The following CCDC85C variants were observed in gnomAD, a reference collection of about 807,000 sequenced individuals.
The protein encoded by CCDC85C is coiled-coil domain containing 85C, also known as coiled-coil domain-containing protein 85C.
In CCDC85C, 18 loss-of-function variants were observed where a neutral mutation model predicts 38.3. That is an observed-to-expected ratio of 0.47 (90% confidence interval 0.33 to 0.70). CCDC85C has a LOEUF of 0.70. Among genes scored for constraint, CCDC85C ranks in the 30% least tolerant of loss-of-function variants. The pLI, the probability that CCDC85C is intolerant of heterozygous loss-of-function variation, is 0.03. For synonymous variants in CCDC85C, 264 were observed against 293.8 expected (o/e 0.90, Z 1.04); for missense variants, 566 against 621.2 (o/e 0.91, Z 0.94).
intron 1 of CCDC85C, among the ~76,000 whole-genome samples, chr14:99,570,517 G>T (rs1898315510): frequency 6.6e-6 from 1 of 152,172 alleles, no homozygotes. Flanking sequence ...CAGACGGCAG[G>T]GGCTCGGGGC....
rs897526611 is a variant in CCDC85C, at chr14:99,604,207, T to C, written c.-248A>G. 1.7e-4 allele frequency among the ~76,000 whole-genome samples: 26 copies of C among 148,598 alleles called. No individual in the cohort carries two copies. The highest frequency in any genetic ancestry group is 4.9e-4 in the African/African-American group (20 of 41,140). On this transcript the variant is annotated 5_prime_UTR_variant, in exon 1 of 6. Coordinates refer to ENST00000380243, the MANE Select transcript of CCDC85C (RefSeq NM_001144995.2). Reference sequence around the variant, plus strand: ...GCGGTGCCGGGCGCTCTCAGGGTTCTGGAGAAGCAGGCGGAGGCCCGCCCC... The same window carrying C: ...GCGGTGCCGGGCGCTCTCAGGGTTCCGGAGAAGCAGGCGGAGGCCCGCCCC...
intron 1 of CCDC85C, among the ~76,000 whole-genome samples, chr14:99,574,578 G>A (rs964526410): frequency 2.6e-5 from 4 of 152,212 alleles, no homozygotes; most frequent in Admixed American, 6.5e-5. Flanking sequence ...CGGCCTGTGA[G>A]GAGGGGAGGC....
Position 99,508,756 on chromosome 14 carries a change from G to C in CCDC85C, c.*6490C>G, listed in dbSNP as rs549927675. The C allele has an allele frequency of 2.6e-5, 4 of 152,578 alleles. No individual in the cohort carries two copies. Among genetic ancestry groups the C allele is most frequent in the African/African-American group, 9.6e-5 (4 of 41,582 alleles). 9.5% of individuals were successfully genotyped at this position (152,578 alleles called of 1,614,324 possible). On this transcript the variant is annotated 3_prime_UTR_variant, in exon 6 of 6. Coordinates refer to ENST00000380243, the MANE Select transcript of CCDC85C (RefSeq NM_001144995.2). ...TTCCAGCTCAGTCACACAGCACAAG[G>C]GCAGGCACACTGGTGACTTGAAGAT...
intron 1 of CCDC85C, among the ~76,000 whole-genome samples, chr14:99,568,244 C>T (rs1229588115): frequency 1.3e-5 from 1 of 78,540 alleles, no homozygotes; most frequent in African/African-American, 6.3e-5. Context: ...AGGCCACCTG[C>T]CCTTTATTTT....
chr14:99,603,182 G>C lies in CCDC85C; in HGVS notation c.778C>G (p.Pro260Ala). 1 of 1,407,826 alleles carries C rather than the reference G, an allele frequency of 7.1e-7. No homozygotes were observed. The highest frequency in any genetic ancestry group is 2.9e-5 in the Admixed American group (1 of 34,434). The allele number at this position is 1,407,826 out of a possible 1,614,324, so 87.2% of individuals were successfully genotyped here. The change falls in exon 1 of 6, where the codon CCC (proline) becomes GCC (alanine). Residue 260 changes from proline (P) to alanine (A), a missense_variant. This residue lies in a region of CCDC85C where 286 missense variants were observed against 276.4 expected (regional missense o/e 1.03). Coordinates refer to ENST00000380243, the MANE Select transcript of CCDC85C (RefSeq NM_001144995.2). The surrounding 1 kb of genome is among the most constrained non-coding windows in gnomAD (Gnocchi z 7.5). ...LSAPPHHRSIPNGLHDPSSTY... is the reference protein window; with the variant it reads ...LSAPPHHRSIANGLHDPSSTY... Reference sequence around the variant, plus strand: ...TAGTCCTTACCGTGCAGGCCGTTGGGGATGCTGCGGTGGTGCGGCGGCGCC... The same window carrying C: ...TAGTCCTTACCGTGCAGGCCGTTGGCGATGCTGCGGTGGTGCGGCGGCGCC...
At position 99,500,828 on chromosome 14, in the gene CCDC85C, AC is replaced by A; in HGVS notation, c.*14417del. ...CCATCAAGTTTGATTTACAGGTAGA[AC>A]ATCCATACCAGTTCCTACTAAAATA... On this transcript the variant is annotated 3_prime_UTR_variant, in exon 6 of 6. Transcript: ENST00000380243. 6.4e-7 allele frequency: 1 copy of A among 1,566,002 alleles called. No individual in the cohort carries two copies. Among genetic ancestry groups the A allele is most frequent in the South Asian group, 1.2e-5 (1 of 84,608 alleles).
intron 1 of CCDC85C, among the ~76,000 whole-genome samples, chr14:99,541,909 T>C (rs1027668717): frequency 1.3e-5 from 2 of 152,210 alleles, no homozygotes; most frequent in African/African-American, 4.8e-5. Flanking sequence ...GACTCTCCAG[T>C]TGCTGTGCAC....
intron 2 of CCDC85C, among the ~76,000 whole-genome samples, chr14:99,524,027 A>T (rs1056792277): frequency 2.4e-5 from 1 of 41,610 alleles, no homozygotes; most frequent in African/African-American, 1.0e-4. Flanking sequence ...CCCTCCCCCC[A>T]CCCCATCAGA....
rs1454321306 is a variant in CCDC85C, at chr14:99,504,401, T to C, written c.*10845A>G. 1 of 152,498 alleles carries C rather than the reference T, an allele frequency of 6.6e-6. No individual in the cohort carries two copies. The highest frequency in any genetic ancestry group is 1.5e-5 in the Non-Finnish European group (1 of 68,248). 9.4% of individuals were successfully genotyped at this position (152,498 alleles called of 1,614,324 possible). ...TCTTCCAGTTATGATAGAGCTACTT[T>C]TTTTTTTTTTCCAGTATATTTGAGG... On this transcript the variant is annotated 3_prime_UTR_variant, in exon 6 of 6. Coordinates refer to ENST00000380243, the MANE Select transcript of CCDC85C (RefSeq NM_001144995.2).
At chr14:99,584,431 C>A (rs545021703) in intron 1 of CCDC85C, among the ~76,000 whole-genome samples, 1 of 152,202 alleles carries the variant, frequency 6.6e-6, no homozygotes, top group East Asian at 1.9e-4. Context: ...GGGTGCTTAT[C>A]CAGCAGGCCA....
intron 1 of CCDC85C, among the ~76,000 whole-genome samples, chr14:99,539,704 A>C (rs1036364624): frequency 6.6e-6 from 1 of 152,198 alleles, no homozygotes; most frequent in Non-Finnish European, 1.5e-5. Flanking sequence ...ATATCCAGGC[A>C]TTGACGTGAG....
intron 1 of CCDC85C, among the ~76,000 whole-genome samples, chr14:99,599,755 T>C (rs2055180099): frequency 1.3e-5 from 2 of 152,086 alleles, no homozygotes; most frequent in Non-Finnish European, 2.9e-5. Flanking sequence ...CTGGGCATGG[T>C]AGCACACATC....
chr14:99,574,599 G>T (rs1290513642), intron 1 of CCDC85C, among the ~76,000 whole-genome samples: 1 of 152,214 alleles, frequency 6.6e-6, no homozygotes, highest in African/African-American at 2.4e-5. Context: ...AGGGTGGCCT[G>T]CGAGGAATTT....
chr14:99,509,965 G>T lies in CCDC85C; in HGVS notation c.*5281C>A. The T allele has an allele frequency of 1.6e-6, 1 of 620,006 alleles. No individual in the cohort carries two copies. The highest frequency in any genetic ancestry group is 2.8e-6 in the Non-Finnish European group (1 of 355,886). The allele number at this position is 620,006 out of a possible 1,614,324, so 38.4% of individuals were successfully genotyped here. A position where few individuals can be genotyped will look rare whatever the true frequency, so the allele number is the denominator to read the frequency against. ...CAGGTCGTCGCAGACAGGGTGGAGG[G>T]CCTTCTTGACAGATGGTGGGGAGAC... On this transcript the variant is annotated 3_prime_UTR_variant, in exon 6 of 6. Coordinates refer to ENST00000380243, the MANE Select transcript of CCDC85C (RefSeq NM_001144995.2).
In CCDC85C at chr14:99,604,190, G is replaced by C. The variant is rs1260791996; in HGVS notation, c.-231C>G. ...CTGCTGCGTCGGCGGCCGCGGTGCC[G>C]GGCGCTCTCAGGGTTCTGGAGAAGC... On this transcript the variant is annotated 5_prime_UTR_variant, in exon 1 of 6. Coordinates refer to ENST00000380243, the MANE Select transcript of CCDC85C (RefSeq NM_001144995.2). 6.7e-6 allele frequency among the ~76,000 whole-genome samples: 1 copy of C among 148,262 alleles called. No homozygotes were observed. The highest frequency in any genetic ancestry group is 1.5e-5 in the Non-Finnish European group (1 of 66,518).
At position 99,588,978 on chromosome 14, in the gene CCDC85C, G is replaced by A. The variant is rs1274317787; in HGVS notation, c.793+14189C>T. On this transcript the variant is annotated intron_variant, in intron 1 of 5. Transcript: ENST00000380243. This position sits in a 1 kb window ranked among gnomAD's most constrained non-coding sequence, Gnocchi z 5.0. Reference sequence around the variant, plus strand: ...GGGAGACTGGTCAGAGACTGAGGCAGAAAGAAAATAATCAGGAGGAAGAAG... The same window carrying A: ...GGGAGACTGGTCAGAGACTGAGGCAAAAAGAAAATAATCAGGAGGAAGAAG... Among the ~76,000 whole-genome samples, 1 of 152,098 alleles carries A rather than the reference G, an allele frequency of 6.6e-6. No individual in the cohort carries two copies. The highest frequency in any genetic ancestry group is 1.9e-4 in the East Asian group (1 of 5,188).
chr14:99,566,931 C>T (rs1429002668), intron 1 of CCDC85C, among the ~76,000 whole-genome samples: 2 of 152,220 alleles, frequency 1.3e-5, no homozygotes, highest in Non-Finnish European at 2.9e-5. Flanking sequence ...GCCCTGGCTT[C>T]CTGAGGTGAG....
chr14:99,588,217 A>G lies in CCDC85C; in HGVS notation c.793+14950T>C, dbSNP rs2055047745. On this transcript the variant is annotated intron_variant, in intron 1 of 5. Transcript: ENST00000380243. The surrounding 1 kb of genome is among the most constrained non-coding windows in gnomAD (Gnocchi z 5.0). ...CCCTGGGACAGTCTTTCCCACTACA[A>G]AGGAATGCCGAGTCCAACCTGCTTG... Among the ~76,000 whole-genome samples, 1 of 151,952 alleles carries G rather than the reference A, an allele frequency of 6.6e-6. No homozygotes were observed. Among genetic ancestry groups the G allele is most frequent in the Non-Finnish European group, 1.5e-5 (1 of 68,012 alleles).
At position 99,522,174 on chromosome 14, in the gene CCDC85C, G is replaced by A; in HGVS notation, c.934C>T (p.Leu312Phe). The stretch of plus-strand genomic sequence containing the variant: ...TGGTAGGAGGGCGGCAGGGACGCAA[G>A]CTGGGACTCCGAGTGGTAGGGCGAG... Reference protein sequence around the residue: ...GFSPYHSESQLASLPPSYQDS... With the variant: ...GFSPYHSESQFASLPPSYQDS... Residue 312 changes from leucine to phenylalanine, a missense_variant, in exon 3 of 6, where the codon CTT becomes TTT. Leu to Phe is a conservative substitution (Grantham distance 22). Coordinates refer to ENST00000380243, the MANE Select transcript of CCDC85C (RefSeq NM_001144995.2). 1.9e-6 allele frequency: 3 copies of A among 1,551,118 alleles called. No homozygotes were observed. Among genetic ancestry groups the A allele is most frequent in the Non-Finnish European group, 2.6e-6 (3 of 1,146,922 alleles).
Sources: gnomAD v4.1 joint callset for allele counts (sites outside exome capture counted in the v4.1 genomes callset) on GRCh38, gnomAD v4.1.1 for gene constraint, gnomAD v4.1.1 regional missense constraint, Gnocchi (gnomAD v3.1) non-coding constraint, MANE v1.5 for transcripts, NCBI Gene and HGNC (gene_info 2026-07-23, HGNC 2026-07-21) for gene names.